Variants in CSMD1 observed in about 807,000 individuals in gnomAD.
CSMD1 encodes the protein CUB and Sushi multiple domains 1, also known as CUB and sushi domain-containing protein 1.
A neutral mutation model predicts 417.5 loss-of-function variants in CSMD1; 213 were observed. That is an observed-to-expected ratio of 0.51 (90% CI 0.46 to 0.57). The LOEUF (loss-of-function observed/expected upper bound fraction) is 0.57, where lower values mean the gene tolerates loss of function less well. Ranked by LOEUF, CSMD1 falls within the 20% of genes least tolerant of loss-of-function variation. CSMD1 has a pLI of 0.00. For synonymous variants in CSMD1, 2,862 were observed against 1,736.8 expected, an observed-to-expected ratio of 1.65 and a Z score of -16.11; for missense variants, 6,923 against 4,529.7, an observed-to-expected ratio of 1.53 and a Z score of -15.17.
intron 5 of CSMD1, among the ~76,000 whole-genome samples, chr8:3,865,779 T>G (rs1037231736): frequency 6.6e-6 from 1 of 152,156 alleles, no homozygotes; most frequent in Non-Finnish European, 1.5e-5. Flanking sequence ...TCCGTCATAT[T>G]TCTCTAAAAT....
At chr8:4,713,734 C>T (rs1387741324) in intron 1 of CSMD1, among the ~76,000 whole-genome samples, 2 of 152,168 alleles carry the variant, frequency 1.3e-5, no homozygotes, top group Non-Finnish European at 2.9e-5. Context: ...CCAAACCTGG[C>T]CCCTGAGGCA....
chr8:3,642,442 C>A (rs1554497253), intron 7 of CSMD1, among the ~76,000 whole-genome samples: 1 of 152,062 alleles, frequency 6.6e-6, no homozygotes, highest in East Asian at 1.9e-4. Flanking sequence ...GCTCTAAAGA[C>A]CTCTAAAATT....
intron 1 of CSMD1, among the ~76,000 whole-genome samples, chr8:4,734,341 T>C (rs1233315592): frequency 1.3e-5 from 2 of 152,164 alleles, no homozygotes; most frequent in Non-Finnish European, 2.9e-5. Flanking sequence ...CAGTATAGCT[T>C]ATTATATAGT....
intron 5 of CSMD1, among the ~76,000 whole-genome samples, chr8:3,937,467 G>A (rs759712297): frequency 4.6e-5 from 7 of 152,040 alleles, no homozygotes; most frequent in East Asian, 3.9e-4. Flanking sequence ...CAACATTGAC[G>A]AAAGACCTTC....
chr8:3,174,561 T>A (rs1302180555), intron 37 of CSMD1, among the ~76,000 whole-genome samples: 2 of 152,142 alleles, frequency 1.3e-5, no homozygotes, highest in African/African-American at 2.4e-5. Context: ...TCTAGAAAAA[T>A]TTTTAAAAGA....
intron 2 of CSMD1, among the ~76,000 whole-genome samples, chr8:4,559,441 G>C (rs6992735): frequency 0.02 from 3,085 of 152,218 alleles, 119 homozygotes; most frequent in African/African-American, 0.07. Context: ...TATGAATAAA[G>C]AAGGGGTTAA....
chr8:3,464,486 A>G (rs1447136297), intron 12 of CSMD1, among the ~76,000 whole-genome samples: 1 of 151,792 alleles, frequency 6.6e-6, no homozygotes, highest in East Asian at 1.9e-4. Context: ...TAAAATGGAG[A>G]AACTATGCCC....
Position 2,957,754 on chromosome 8 carries a change from G to A in CSMD1, c.9756C>T (p.Ser3252=), listed in dbSNP as rs947793379. Residue 3252 remains serine, a synonymous_variant, in exon 63 of 70, where the codon TCC becomes TCT. Transcript: ENST00000635120. The part of the protein sequence containing the change: ...RCRKGYHIQG[S]TTRTCLANLT... The stretch of plus-strand genomic sequence containing the variant: ...AATTGGCAAGGCAGGTGCGAGTCGT[G>A]GAACCTTGAATATGGTAGCCTTTTC... 1.3e-6 allele frequency: 2 copies of A among 1,599,584 alleles called. No individual in the cohort carries two copies. The highest frequency in any genetic ancestry group is 1.7e-6 in the Non-Finnish European group (2 of 1,172,496).
Position 3,657,107 on chromosome 8 carries a change from G to C in CSMD1, c.1010-40310C>G, listed in dbSNP as rs188795624. Among the ~76,000 whole-genome samples, 95 of 152,168 alleles carry C rather than the reference G, an allele frequency of 6.2e-4. 1 individual carries two copies. The highest frequency in any genetic ancestry group is 2.2e-3 in the African/African-American group (92 of 41,498). ...CTACCGAGTTGCTGCACTGGACATT[G>C]TCATTGGAGAATATGGCATCATCTG... On this transcript the variant is annotated intron_variant, in intron 7 of 69. Transcript: ENST00000635120.
intron 28 of CSMD1, among the ~76,000 whole-genome samples, chr8:3,222,021 T>A (rs754550891): frequency 2.0e-5 from 3 of 152,044 alleles, no homozygotes; most frequent in Non-Finnish European, 4.4e-5. Context: ...AGGATTCTGG[T>A]CTCTCCCTCC....
chr8:4,655,988 A>G (rs1804205115), intron 1 of CSMD1, among the ~76,000 whole-genome samples: 1 of 152,128 alleles, frequency 6.6e-6, no homozygotes, highest in African/African-American at 2.4e-5. Context: ...GTTGGACAAT[A>G]AAAAATAAAC....
chr8:4,807,471 A>T (rs1253465106), intron 1 of CSMD1, among the ~76,000 whole-genome samples: 1 of 152,170 alleles, frequency 6.6e-6, no homozygotes, highest in East Asian at 1.9e-4. Flanking sequence ...ACCTTGTCTT[A>T]TAGCCAAGCT....
chr8:4,010,681 T>G (rs765041971), intron 4 of CSMD1, among the ~76,000 whole-genome samples: 2 of 152,194 alleles, frequency 1.3e-5, no homozygotes, highest in Non-Finnish European at 2.9e-5. Context: ...GTTCCCTGAC[T>G]CTGCCTCCCC....
chr8:4,910,700 T>A (rs1053016688), intron 1 of CSMD1, among the ~76,000 whole-genome samples: 2 of 152,220 alleles, frequency 1.3e-5, no homozygotes, highest in Admixed American at 6.5e-5. Context: ...TAGAAATGTG[T>A]TTTAAGATAT....
At chr8:4,312,461 G>A (rs545753696) in intron 3 of CSMD1, among the ~76,000 whole-genome samples, 4,549 of 116,512 alleles carry the variant, frequency 0.039, 1,028 homozygotes, top group African/African-American at 0.18. Flanking sequence ...GTATATATAT[G>A]CGCGTATATA....
intron 3 of CSMD1, among the ~76,000 whole-genome samples, chr8:4,365,890 C>A (rs927051949): frequency 6.6e-6 from 1 of 152,146 alleles, no homozygotes; most frequent in African/African-American, 2.4e-5. Context: ...CTTTTGATAT[C>A]AAAATATTTC....
At chr8:3,258,035 A>T (rs899661185) in intron 26 of CSMD1, among the ~76,000 whole-genome samples, 2 of 152,286 alleles carry the variant, frequency 1.3e-5, no homozygotes, top group South Asian at 4.1e-4. Context: ...GCCATGGGAG[A>T]TGGTGTCGAG....
chr8:4,256,602 A>G (rs1399980716), intron 3 of CSMD1, among the ~76,000 whole-genome samples: 1 of 152,210 alleles, frequency 6.6e-6, no homozygotes, highest in African/African-American at 2.4e-5. Flanking sequence ...CACTTTAGAG[A>G]AAACCACCTT....
intron 3 of CSMD1, among the ~76,000 whole-genome samples, chr8:4,146,619 TTTTTTTTTTTG>T: frequency 8.4e-6 from 1 of 118,616 alleles, no homozygotes; most frequent in African/African-American, 3.4e-5. Flanking sequence ...TTTTTTTTTT[TTTTTTTTTTTG>T]AGACAGAGTC....
Sources: gnomAD v4.1 joint callset for allele counts (sites outside exome capture counted in the v4.1 genomes callset) on GRCh38, gnomAD v4.1.1 for gene constraint, MANE v1.5 for transcripts, NCBI Gene and HGNC (gene_info 2026-07-23, HGNC 2026-07-21) for gene names.